TAFA4: variants seen among roughly 807,000 people sequenced by gnomAD.
TAFA4 encodes TAFA chemokine like family member 4, also known as chemokine-like protein TAFA-4.
A neutral mutation model predicts 21.1 loss-of-function variants in TAFA4; 20 were observed. The observed-to-expected ratio is 0.95, with a 90% CI of 0.67 to 1.38. TAFA4 has a LOEUF of 1.38. TAFA4 is among the 40% of genes most tolerant of loss of function. The pLI, the probability that TAFA4 is intolerant of heterozygous loss-of-function variation, is 0.00. For missense variants in TAFA4, 211 were observed against 180.9 expected (o/e 1.17, Z -0.95); for synonymous variants, 71 against 67.4 (o/e 1.05, Z -0.26).
intron 3 of TAFA4, among the ~76,000 whole-genome samples, chr3:68,784,437 C>T (rs1414124232): frequency 3.3e-5 from 5 of 151,980 alleles, no homozygotes; most frequent in South Asian, 2.1e-4. Context: ...TTCACGGTCT[C>T]GCTGGCTCAG....
At chr3:68,908,876 C>T (rs2089928865) in intron 1 of TAFA4, among the ~76,000 whole-genome samples, 1 of 152,132 alleles carries the variant, frequency 6.6e-6, no homozygotes, top group African/African-American at 2.4e-5. Flanking sequence ...GACAACGATC[C>T]AGGGTTCATT....
intron 5 of TAFA4, among the ~76,000 whole-genome samples, chr3:68,736,803 G>A (rs893226248): frequency 6.6e-6 from 1 of 152,120 alleles, no homozygotes; most frequent in Non-Finnish European, 1.5e-5. Flanking sequence ...TGCAGTTCAA[G>A]TCACACTGAC....
chr3:68,831,429 T>C (rs1400753633), intron 3 of TAFA4, among the ~76,000 whole-genome samples: 3 of 152,230 alleles, frequency 2.0e-5, no homozygotes, highest in Non-Finnish European at 4.4e-5. Flanking sequence ...AGGATTTTAT[T>C]TCTCCTTCAC....
chr3:68,747,788 A>G (rs559115339), intron 4 of TAFA4, among the ~76,000 whole-genome samples: 1 of 152,200 alleles, frequency 6.6e-6, no homozygotes, highest in South Asian at 2.1e-4. Flanking sequence ...ATAATACTTC[A>G]TACTCTTTTT....
At chr3:68,820,976 C>A (rs1306108708) in intron 3 of TAFA4, among the ~76,000 whole-genome samples, 2 of 152,124 alleles carry the variant, frequency 1.3e-5, no homozygotes, top group African/African-American at 2.4e-5. Context: ...TTATGCTGTA[C>A]CACAAGGTGG....
intron 3 of TAFA4, among the ~76,000 whole-genome samples, chr3:68,803,455 G>C (rs1703618669): frequency 6.6e-6 from 1 of 152,086 alleles, no homozygotes. Flanking sequence ...ATGTGGCCTT[G>C]CTTTGTTCAA....
chr3:68,865,052 T>G (rs1302286774), intron 3 of TAFA4, among the ~76,000 whole-genome samples: 1 of 152,086 alleles, frequency 6.6e-6, no homozygotes, highest in Non-Finnish European at 1.5e-5. Context: ...GTTTCATGGG[T>G]GTAAATAGGT....
chr3:68,846,620 CCTTTTTGCA>C (rs1704805598), intron 3 of TAFA4, among the ~76,000 whole-genome samples: 1 of 152,102 alleles, frequency 6.6e-6, no homozygotes, highest in Non-Finnish European at 1.5e-5. Flanking sequence ...GAATTTTCAG[CCTTTTTGCA>C]CTGGTTTTTT....
intron 1 of TAFA4, among the ~76,000 whole-genome samples, chr3:68,928,614 G>A (rs2090131555): frequency 6.6e-6 from 1 of 152,142 alleles, no homozygotes; most frequent in African/African-American, 2.4e-5. Context: ...TACTGTCGCA[G>A]CTACTAGGAA....
intron 5 of TAFA4, among the ~76,000 whole-genome samples, chr3:68,735,754 T>C (rs1430866025): frequency 6.6e-6 from 1 of 151,832 alleles, no homozygotes; most frequent in Admixed American, 6.6e-5. Flanking sequence ...AAAAACAAAA[T>C]GAAGTAAAAG....
chr3:68,742,735 A>T lies in TAFA4; in HGVS notation c.287-3536T>A, dbSNP rs556828874. Among the ~76,000 whole-genome samples, 3 of 152,358 alleles carry T rather than the reference A, an allele frequency of 2.0e-5. No individual in the cohort carries two copies. In the South Asian group the frequency reaches 6.2e-4, roughly 32 times the overall value. On this transcript the variant is annotated intron_variant, in intron 4 of 5. Coordinates refer to ENST00000295569, the MANE Select transcript of TAFA4 (RefSeq NM_182522.5). The stretch of plus-strand genomic sequence containing the variant: ...ACCTTTTGAAATAAAAAATATTTTT[A>T]AAAACATTATCTTGTACTTCATCGA...
At chr3:68,840,346 C>T (rs1008447119) in intron 3 of TAFA4, among the ~76,000 whole-genome samples, 12 of 152,040 alleles carry the variant, frequency 7.9e-5, no homozygotes, top group Non-Finnish European at 1.2e-4. Flanking sequence ...ATAACTGGGA[C>T]CACAGGCATG....
intron 3 of TAFA4, among the ~76,000 whole-genome samples, chr3:68,768,347 T>C (rs1702894026): frequency 6.6e-6 from 1 of 152,054 alleles, no homozygotes; most frequent in East Asian, 1.9e-4. Context: ...AACAGGTATA[T>C]GAAAAAATGC....
intron 1 of TAFA4, among the ~76,000 whole-genome samples, chr3:68,907,616 CA>C (rs2089916777): frequency 6.6e-6 from 1 of 152,252 alleles, no homozygotes; most frequent in East Asian, 1.9e-4. Flanking sequence ...GCTTTCCATA[CA>C]GGGGAGAGGG....
chr3:68,743,332 TTGGAAGGCCTAGG>T lies in TAFA4; in HGVS notation c.287-4146_287-4134del, dbSNP rs1702393176. 3.9e-5 allele frequency among the ~76,000 whole-genome samples: 6 copies of T among 152,222 alleles called. No homozygotes were observed. The South Asian group carries it at 1.2e-3, about 32-fold the overall frequency. ...ACCTCACACCTGTAATCCCAGCACTTTGGAAGGCCTAGGTGGGCAGATCACTTGAGGTCAAGAG... is the reference window on the plus strand; with the variant it reads ...ACCTCACACCTGTAATCCCAGCACTTTGGGCAGATCACTTGAGGTCAAGAG... On this transcript the variant is annotated intron_variant, in intron 4 of 5. Transcript: ENST00000295569.
At chr3:68,777,423 T>C (rs1438969312) in intron 3 of TAFA4, among the ~76,000 whole-genome samples, 2 of 152,164 alleles carry the variant, frequency 1.3e-5, no homozygotes, top group African/African-American at 4.8e-5. Context: ...ATGTGGATAC[T>C]GCACACTTGA....
intron 3 of TAFA4, among the ~76,000 whole-genome samples, chr3:68,870,082 G>C (rs1424236482): frequency 2.0e-5 from 3 of 151,604 alleles, no homozygotes; most frequent in African/African-American, 7.3e-5. Context: ...AGTAATCAAG[G>C]CACCAACATC....
chr3:68,805,395 G>A (rs1342833315), intron 3 of TAFA4, among the ~76,000 whole-genome samples: 4 of 152,214 alleles, frequency 2.6e-5, no homozygotes, highest in South Asian at 2.1e-4. Context: ...AGTCACTGTG[G>A]TGATTCCTCA....
chr3:68,867,860 AG>A (rs1448363712), intron 3 of TAFA4, among the ~76,000 whole-genome samples: 5 of 152,002 alleles, frequency 3.3e-5, no homozygotes, highest in Non-Finnish European at 5.9e-5. Flanking sequence ...AACAATGAAA[AG>A]CAACAAATTA....
Sources: gnomAD v4.1 joint callset for allele counts (sites outside exome capture counted in the v4.1 genomes callset) on GRCh38, gnomAD v4.1.1 for gene constraint, MANE v1.5 for transcripts, NCBI Gene and HGNC (gene_info 2026-07-23, HGNC 2026-07-21) for gene names.